The following BICD1 variants were observed in gnomAD, a reference collection of about 807,000 sequenced individuals.
BICD1 encodes BICD cargo adaptor 1.
A neutral mutation model predicts 92.5 loss-of-function variants in BICD1; 35 were observed. The observed-to-expected ratio is 0.38, with a 90% CI of 0.29 to 0.50. The LOEUF (loss-of-function observed/expected upper bound fraction) is 0.50. Among genes scored for constraint, BICD1 ranks in the 20% least tolerant of loss-of-function variants. The probability of loss-of-function intolerance (pLI) is 0.93; values close to 1 mark genes in which losing one functional copy is unlikely to be tolerated. For synonymous variants in BICD1, 429 were observed against 465.1 expected (o/e 0.92, Z 1.00); for missense variants, 950 against 1,189.8 (o/e 0.80, Z 2.97).
chr12:32,226,305 T>A (rs1001274847), intron 2 of BICD1, among the ~76,000 whole-genome samples: 5 of 152,120 alleles, frequency 3.3e-5, no homozygotes, highest in African/African-American at 1.2e-4. Flanking sequence ...TGGCTAATTT[T>A]TGTATTTTTA....
At chr12:32,255,185 C>A (rs1453731776) in intron 2 of BICD1, among the ~76,000 whole-genome samples, 2 of 152,152 alleles carry the variant, frequency 1.3e-5, no homozygotes, top group Non-Finnish European at 2.9e-5. Flanking sequence ...AAAGAGACAA[C>A]AAGACAGATT....
rs1940160282 is a variant in BICD1 at position 32,381,080 on chromosome 12, T to C, written c.*3453T>C. Reference sequence around the variant, plus strand: ...CTGGGAGCTCATAATCCTGTGATTCTTTTATTTTAAGTTTTAAAATACATT... The same window carrying C: ...CTGGGAGCTCATAATCCTGTGATTCCTTTATTTTAAGTTTTAAAATACATT... On this transcript the variant is annotated 3_prime_UTR_variant, in exon 10 of 10. Transcript: ENST00000652176. 6.6e-6 allele frequency: 1 copy of C among 152,152 alleles called. No individual in the cohort carries two copies. Among genetic ancestry groups the C allele is most frequent in the Non-Finnish European group, 1.5e-5 (1 of 67,972 alleles). The allele number at this position is 152,152 out of a possible 1,614,324, so 9.4% of individuals were successfully genotyped here. A position where few individuals can be genotyped will look rare whatever the true frequency, so the allele number is the denominator to read the frequency against.
At chr12:32,319,172 T>C (rs951792180) in intron 4 of BICD1, among the ~76,000 whole-genome samples, 2 of 152,228 alleles carry the variant, frequency 1.3e-5, no homozygotes, top group Non-Finnish European at 2.9e-5. Context: ...AGAACTCTAG[T>C]ACAATGATGA....
chr12:32,306,434 C>T lies in BICD1; in HGVS notation c.1005+312C>T, dbSNP rs202223843. ...AATTTTTTTGTATTTTTAGTAGAGA[C>T]GGGGTTTCACCGTATTAGCCAGGAT... On this transcript the variant is annotated intron_variant, in intron 4 of 9. Transcript: ENST00000652176. Among the ~76,000 whole-genome samples the T allele has an allele frequency of 1.5e-3, 222 of 151,842 alleles. 4 individuals are homozygous for T. The South Asian group carries it at 0.026, about 18-fold the overall frequency.
chr12:32,348,028 A>G (rs755756113), intron 8 of BICD1, among the ~76,000 whole-genome samples: 3 of 152,222 alleles, frequency 2.0e-5, no homozygotes, highest in African/African-American at 4.8e-5. Context: ...ATTCCATGCT[A>G]CAAATTGGAC....
At chr12:32,361,882 G>A (rs1398459537) in intron 8 of BICD1, among the ~76,000 whole-genome samples, 1 of 152,188 alleles carries the variant, frequency 6.6e-6, no homozygotes, top group African/African-American at 2.4e-5. Context: ...CATCGTGGCT[G>A]GGTTTGGTCT....
intron 3 of BICD1, among the ~76,000 whole-genome samples, chr12:32,298,730 C>T (rs1173927316): frequency 7.3e-5 from 11 of 151,264 alleles, no homozygotes; most frequent in Non-Finnish European, 1.2e-4. Context: ...ATTAGCCGGG[C>T]GTGGTGGCAC....
chr12:32,361,919 T>C (rs1427599934), intron 8 of BICD1, among the ~76,000 whole-genome samples: 1 of 152,210 alleles, frequency 6.6e-6, no homozygotes, highest in Non-Finnish European at 1.5e-5. Flanking sequence ...ACTCACATGG[T>C]GCTCACCAGT....
intron 4 of BICD1, among the ~76,000 whole-genome samples, chr12:32,317,245 TG>T (rs755616438): frequency 6.6e-6 from 1 of 152,222 alleles, no homozygotes; most frequent in Non-Finnish European, 1.5e-5. Context: ...CTGGGTCAAA[TG>T]GTATTTCTAG....
intron 3 of BICD1, among the ~76,000 whole-genome samples, chr12:32,296,178 G>A (rs952501367): frequency 6.6e-6 from 1 of 151,890 alleles, no homozygotes; most frequent in Non-Finnish European, 1.5e-5. Context: ...GCTCACAGTG[G>A]AGAAATGTAG....
intron 8 of BICD1, chr12:32,339,583 T>TCTCC (rs1342029078): frequency 3.0e-6 from 3 of 985,338 alleles, no homozygotes; most frequent in Non-Finnish European, 3.6e-6. Flanking sequence ...CATTTTTCTT[T>TCTCC]CTTCCTTCCT....
chr12:32,159,701 T>C (rs1943544019), intron 1 of BICD1, among the ~76,000 whole-genome samples: 1 of 152,324 alleles, frequency 6.6e-6, no homozygotes, highest in African/African-American at 2.4e-5. Context: ...TGGGTGTTTG[T>C]GTCCCCAAGC....
intron 2 of BICD1, among the ~76,000 whole-genome samples, chr12:32,232,325 T>G (rs976655157): frequency 2.4e-4 from 36 of 151,634 alleles, no homozygotes; most frequent in African/African-American, 8.5e-4. Flanking sequence ...GATTTGCATT[T>G]CTCTGATGGC....
intron 1 of BICD1, among the ~76,000 whole-genome samples, chr12:32,130,430 A>G (rs1942500953): frequency 3.3e-5 from 5 of 152,096 alleles, no homozygotes; most frequent in Admixed American, 3.3e-4. Flanking sequence ...TGACCTCGTG[A>G]TCTGCCTGCC....
intron 8 of BICD1, among the ~76,000 whole-genome samples, chr12:32,346,159 TAAAAAG>T (rs145634766): frequency 0.066 from 10,000 of 151,604 alleles, 1,030 homozygotes; most frequent in African/African-American, 0.22. Flanking sequence ...AAAAAATAAA[TAAAAAG>T]AAACAAGTGA....
rs1592304805 is a variant in BICD1 at position 32,107,212 on chromosome 12, C to T, written c.-120C>T. 2 of 980,466 alleles carry T rather than the reference C, an allele frequency of 2.0e-6. No individual in the cohort carries two copies. Among genetic ancestry groups the T allele is most frequent in the Non-Finnish European group, 1.5e-6 (1 of 667,522 alleles). The allele number at this position is 980,466 out of a possible 1,614,324, so 60.7% of individuals were successfully genotyped here. Reference sequence around the variant, plus strand: ...CGGGGCATCGCGCTGCTCATTCATCCGGCCGCACTTTCTTTTCCGTTTCCA... The same window carrying T: ...CGGGGCATCGCGCTGCTCATTCATCTGGCCGCACTTTCTTTTCCGTTTCCA... On this transcript the variant is annotated 5_prime_UTR_variant, in exon 1 of 10. Coordinates refer to ENST00000652176, the MANE Select transcript of BICD1 (RefSeq NM_001714.4).
chr12:32,380,200 G>C lies in BICD1; in HGVS notation c.*2573G>C, dbSNP rs1486513561. 6.6e-6 allele frequency: 1 copy of C among 152,146 alleles called. No individual in the cohort carries two copies. Among genetic ancestry groups the C allele is most frequent in the African/African-American group, 2.4e-5 (1 of 41,432 alleles). The allele number at this position is 152,146 out of a possible 1,614,324, so 9.4% of individuals were successfully genotyped here. On this transcript the variant is annotated 3_prime_UTR_variant, in exon 10 of 10. Coordinates refer to ENST00000652176, the MANE Select transcript of BICD1 (RefSeq NM_001714.4). ...GAGAATACCATGTATTTACACTGTG[G>C]CATCATTTAGTATAGTTTACACTGA...
chr12:32,316,460 T>A (rs1007772875), intron 4 of BICD1, among the ~76,000 whole-genome samples: 4 of 151,546 alleles, frequency 2.6e-5, no homozygotes, highest in Non-Finnish European at 2.9e-5. Flanking sequence ...CCAGCTAATT[T>A]TTTTTTATTT....
intron 5 of BICD1, chr12:32,332,862 CT>C (rs904500208): frequency 4.1e-6 from 4 of 985,236 alleles, no homozygotes; most frequent in Non-Finnish European, 4.8e-6. Flanking sequence ...GGAAATAAGA[CT>C]TTTTTTATTT....
Sources: allele counts gnomAD v4.1 joint callset (sites outside exome capture counted in the v4.1 genomes callset), GRCh38; gene constraint gnomAD v4.1.1; transcripts MANE v1.5; gene names NCBI Gene and HGNC (gene_info 2026-07-23, HGNC 2026-07-21).